The following DCST1 variants were observed in gnomAD, a reference collection of about 807,000 sequenced individuals.
DCST1 encodes DC-STAMP domain containing 1.
DCST1 carries 78 observed loss-of-function variants against 89.1 expected under a neutral mutation model. The observed-to-expected ratio is 0.88, with a 90% CI of 0.73 to 1.06. DCST1 has a LOEUF of 1.06. Among genes scored for constraint, DCST1 ranks in the 50% least tolerant of loss-of-function variants. DCST1 has a pLI of 0.00. For synonymous variants in DCST1, 364 were observed against 371.9 expected, an observed-to-expected ratio of 0.98 and a Z score of 0.24; for missense variants, 900 against 928.6, an observed-to-expected ratio of 0.97 and a Z score of 0.40.
intron 4 of DCST1, among the ~76,000 whole-genome samples, chr1:155,036,560 T>C (rs568926682): frequency 1.3e-5 from 2 of 152,232 alleles, no homozygotes; most frequent in Non-Finnish European, 2.9e-5. Flanking sequence ...GGGCGTGGCC[T>C]GCTCTTTCCC....
In DCST1 at chr1:155,050,862, G is replaced by C; in HGVS notation, c.2115G>C (p.Ala705=). 1 of 1,608,662 alleles carries C rather than the reference G, an allele frequency of 6.2e-7. No homozygotes were observed. The highest frequency in any genetic ancestry group is 1.1e-5 in the South Asian group (1 of 90,968). The change falls in exon 17 of 17, where the codon GCG becomes GCC. Residue 705 remains alanine (A), a synonymous_variant. Transcript: ENST00000295542. ...ACAGCAACGACGACACTGCCTACGC[G>C]GGGTGAAGAGGCGTCCTGCTCGCTC... The part of the protein sequence containing the change: ...FSDSNDDTAY[A]G
At chr1:155,034,245 C>A in intron 2 of DCST1, 148 bp downstream of exon 2, 1 of 1,540,936 alleles carries the variant, frequency 6.5e-7, no homozygotes. Flanking sequence ...CAGCCCAGCC[C>A]TTGCCTTTGC....
At position 155,050,852 on chromosome 1, in the gene DCST1, C is replaced by A; in HGVS notation, c.2105C>A (p.Thr702Asn). 6.2e-7 allele frequency: 1 copy of A among 1,611,610 alleles called. No homozygotes were observed. Among genetic ancestry groups the A allele is most frequent in the Non-Finnish European group, 8.5e-7 (1 of 1,178,452 alleles). ...SSAFSDSNDD[T>N]AYAG ...GCCTTTAGTGACAGCAACGACGACA[C>A]TGCCTACGCGGGGTGAAGAGGCGTC... The change falls in exon 17 of 17, where the codon ACT (threonine) becomes AAT (asparagine). Residue 702 changes from threonine (T) to asparagine (N), a missense_variant. By Grantham distance (65) the Thr-to-Asn change is moderately conservative. Coordinates refer to ENST00000295542, the MANE Select transcript of DCST1 (RefSeq NM_152494.4).
intron 2 of DCST1, 153 bp from the exon 3 acceptor site, chr1:155,034,282 C>T (rs773744937): frequency 6.3e-7 from 1 of 1,583,196 alleles, no homozygotes; most frequent in South Asian, 1.1e-5. Flanking sequence ...ACCACTTCCT[C>T]AGGCTCCCTC....
intron 4 of DCST1, chr1:155,035,109 A>C: frequency 4.4e-6 from 1 of 225,686 alleles, no homozygotes. Flanking sequence ...CTGAGGATTT[A>C]GCAGTAAACA....
At chr1:155,049,454 G>C (rs570849736) in intron 16 of DCST1, among the ~76,000 whole-genome samples, 4 of 147,574 alleles carry the variant, frequency 2.7e-5, no homozygotes, top group African/African-American at 7.6e-5. Context: ...TCACTCTGTC[G>C]CCCAGGCTGG....
Position 155,050,837 on chromosome 1 carries a change from A to G in DCST1, c.2090A>G (p.Asp697Gly). ...GAGCTCTCTTCCTCCGCCTTTAGTGACAGCAACGACGACACTGCCTACGCG... is the reference window on the plus strand; with the variant it reads ...GAGCTCTCTTCCTCCGCCTTTAGTGGCAGCAACGACGACACTGCCTACGCG... ...REELSSSAFS[D>G]SNDDTAYAG Residue 697 changes from aspartate to glycine, a missense_variant, in exon 17 of 17, where the codon GAC becomes GGC. Transcript: ENST00000295542. The G allele has an allele frequency of 6.2e-7, 1 of 1,612,536 alleles. No homozygotes were observed.
Position 155,033,867 on chromosome 1 carries a change from TCTC to T in DCST1, c.-66+16_-66+18del. 1.6e-6 allele frequency: 2 copies of T among 1,279,190 alleles called. No homozygotes were observed. The highest frequency in any genetic ancestry group is 1.4e-5 in the South Asian group (1 of 69,246). 79.2% of individuals were successfully genotyped at this position (1,279,190 alleles called of 1,614,324 possible). ...GGAGAGGGGATAGGTAGGTCTCTAA[TCTC>T]CTTCCCCACTTCTCGGAGCAGAAGG... On this transcript the variant is annotated intron_variant, in intron 1 of 16. Coordinates refer to ENST00000295542, the MANE Select transcript of DCST1 (RefSeq NM_152494.4).
At chr1:155,047,713 ATG>A in intron 14 of DCST1, 72 bp from the exon 15 acceptor site, 1 of 1,378,420 alleles carries the variant, frequency 7.3e-7, no homozygotes. Flanking sequence ...TCCCACTGGG[ATG>A]GGAAGTCCAA....
rs1414136603 is a variant in DCST1, at chr1:155,040,475, C to G, written c.392-10C>G. On this transcript the variant is annotated splice_polypyrimidine_tract_variant and intron_variant, in intron 5 of 16. Transcript: ENST00000295542. Reference sequence around the variant, plus strand: ...ACAGGGAGGTGACCAACCAGGGCCTCTTTCTCCAGGGCCAGTAGCCAATCT... The same window carrying G: ...ACAGGGAGGTGACCAACCAGGGCCTGTTTCTCCAGGGCCAGTAGCCAATCT... 1 of 1,596,844 alleles carries G rather than the reference C, an allele frequency of 6.3e-7. No homozygotes were observed. Among genetic ancestry groups the G allele is most frequent in the Non-Finnish European group, 8.5e-7 (1 of 1,170,932 alleles).
At chr1:155,045,630 C>G (rs1660593550) in intron 10 of DCST1, 1 of 502,578 alleles carries the variant, frequency 2.0e-6, no homozygotes, top group Admixed American at 3.4e-5. Context: ...CCATGCCCTC[C>G]TCTGAGCCCC....
At position 155,040,567 on chromosome 1, in the gene DCST1, C is replaced by A. The variant is rs1441488912; in HGVS notation, c.474C>A (p.Thr158=). ...GCTVELQINN[T]RAAWRISTAP... ...CCGTGGAGCTGCAGATCAACAACACCCGCGCAGCTTGGCGCATCTCCACAG... is the reference window on the plus strand; with the variant it reads ...CCGTGGAGCTGCAGATCAACAACACACGCGCAGCTTGGCGCATCTCCACAG... Residue 158 remains threonine (T), a synonymous_variant, in exon 6 of 17, where the codon ACC becomes ACA. Coordinates refer to ENST00000295542, the MANE Select transcript of DCST1 (RefSeq NM_152494.4). 6.3e-7 allele frequency: 1 copy of A among 1,589,984 alleles called. No homozygotes were observed. The highest frequency in any genetic ancestry group is 2.3e-5 in the East Asian group (1 of 44,056).
In DCST1 at chr1:155,047,259, C is replaced by T. The variant is rs1162162892; in HGVS notation, c.1559C>T (p.Thr520Ile). The T allele has an allele frequency of 6.8e-6, 11 of 1,614,096 alleles. No homozygotes were observed. The highest frequency in any genetic ancestry group is 9.3e-6 in the Non-Finnish European group (11 of 1,180,058). Reference protein sequence around the residue: ...DSMLARLLRKTIGALNTSSET... With the variant: ...DSMLARLLRKIIGALNTSSET... ...ATGCTAGCCCGGCTTCTTCGAAAAA[C>T]CATTGGGGCCCTGAACACCTCCTCA... is the stretch of plus-strand genomic sequence containing the variant. The change falls in exon 14 of 17, where the codon ACC becomes ATC. Residue 520 changes from threonine (T) to isoleucine (I), a missense_variant. Coordinates refer to ENST00000295542, the MANE Select transcript of DCST1 (RefSeq NM_152494.4).
At position 155,039,510 on chromosome 1, in the gene DCST1, G is replaced by A. The variant is rs763686878; in HGVS notation, c.370G>A (p.Ala124Thr). ...KEGRLFVLGY[A>T]LAAIYVGPVA... Reference sequence around the variant, plus strand: ...AGGCAGGCTCTTTGTCCTGGGATACGCCTTGGCTGCCATCTATGTGGGTGA... The same window carrying A: ...AGGCAGGCTCTTTGTCCTGGGATACACCTTGGCTGCCATCTATGTGGGTGA... The change falls in exon 5 of 17, where the codon GCC becomes ACC. Residue 124 changes from alanine to threonine, a missense_variant. By Grantham distance (58) the Ala-to-Thr change is moderately conservative. Transcript: ENST00000295542. 17 of 1,599,556 alleles carry A rather than the reference G, an allele frequency of 1.1e-5. No homozygotes were observed. Among genetic ancestry groups the A allele is most frequent in the East Asian group, 6.8e-5 (3 of 43,994 alleles).
rs1558110373 is a variant in DCST1 at position 155,046,396 on chromosome 1, C to T, written c.1405C>T (p.Leu469=). 1 of 1,614,144 alleles carries T rather than the reference C, an allele frequency of 6.2e-7. No individual in the cohort carries two copies. The part of the protein sequence containing the change: ...ELLETLPILL[L]LVVLCGLDWA... ...CCTGGAGACACTGCCCATTCTGCTG[C>T]TGCTGGTGGTGCTGTGTGGCTTGGA... Residue 469 remains leucine, a synonymous_variant, in exon 13 of 17, where the codon CTG becomes TTG. Coordinates refer to ENST00000295542, the MANE Select transcript of DCST1 (RefSeq NM_152494.4).
In DCST1 at chr1:155,041,618, G is replaced by A; in HGVS notation, c.748+5G>A. The A allele has an allele frequency of 6.2e-7, 1 of 1,614,162 alleles. No homozygotes were observed. The highest frequency in any genetic ancestry group is 8.5e-7 in the Non-Finnish European group (1 of 1,180,014). ...AGACCAAGCTGCGTTGCTCCTGTGA[G>A]GGGTATCCCTGGGGAGTGGAGGGTG... On this transcript the variant is annotated splice_donor_5th_base_variant and intron_variant, in intron 7 of 16. Coordinates refer to ENST00000295542, the MANE Select transcript of DCST1 (RefSeq NM_152494.4).
intron 8 of DCST1, among the ~76,000 whole-genome samples, 170 bp from the exon 9 acceptor site, chr1:155,042,565 C>A (rs1660468239): frequency 6.6e-6 from 1 of 152,160 alleles, no homozygotes; most frequent in Admixed American, 6.5e-5. Context: ...TCCTGGAGGG[C>A]AGGATCCAAA....
At chr1:155,047,986 C>T in intron 15 of DCST1, 57 bp downstream of exon 15, 1 of 1,611,356 alleles carries the variant, frequency 6.2e-7, no homozygotes, top group Non-Finnish European at 8.5e-7. Flanking sequence ...ACACACACAC[C>T]ACCCAGCTCC....
At position 155,047,292 on chromosome 1, in the gene DCST1, T is replaced by A; in HGVS notation, c.1592T>A (p.Val531Glu). 1.9e-6 allele frequency: 3 copies of A among 1,613,504 alleles called. No homozygotes were observed. The highest frequency in any genetic ancestry group is 2.5e-6 in the Non-Finnish European group (3 of 1,179,510). The change falls in exon 14 of 17, where the codon GTG becomes GAG. Residue 531 changes from valine (V) to glutamate (E), a missense_variant. Transcript: ENST00000295542. Reference protein sequence around the residue: ...IGALNTSSETVMESNNMPCLP... With the variant: ...IGALNTSSETEMESNNMPCLP... The stretch of plus-strand genomic sequence containing the variant: ...GCCCTGAACACCTCCTCAGAGACAG[T>A]GATGGAATCAAACAACATGCGTGAG...
Sources: allele counts gnomAD v4.1 joint callset (sites outside exome capture counted in the v4.1 genomes callset), GRCh38; gene constraint gnomAD v4.1.1; transcripts MANE v1.5; gene names NCBI Gene and HGNC (gene_info 2026-07-23, HGNC 2026-07-21).